The following PAPLN variants were observed in gnomAD, a reference collection of about 807,000 sequenced individuals.
The protein encoded by PAPLN is papilin.
Under a neutral mutation model 159.0 loss-of-function variants are expected in PAPLN, and 146 were observed. The observed-to-expected ratio is 0.92, with a 90% CI of 0.80 to 1.05. The LOEUF (loss-of-function observed/expected upper bound fraction) is 1.05, where lower values mean the gene tolerates loss of function less well. Among genes scored for constraint, PAPLN ranks in the 50% least tolerant of loss-of-function variants. The pLI is 0.00. For missense variants in PAPLN, 1,720 were observed against 1,743.9 expected (o/e 0.99, Z 0.24); for synonymous variants, 734 against 702.9 (o/e 1.04, Z -0.70).
chr14:73,250,350 G>C (rs1885101086), intron 6 of PAPLN, among the ~76,000 whole-genome samples: 1 of 152,210 alleles, frequency 6.6e-6, no homozygotes, highest in Non-Finnish European at 1.5e-5. Context: ...CCTCTGGGTG[G>C]CAGAAATCCG....
At chr14:73,270,485 G>T (rs553376934) in intron 26 of PAPLN, among the ~76,000 whole-genome samples, 1 of 152,326 alleles carries the variant, frequency 6.6e-6, no homozygotes, top group Non-Finnish European at 1.5e-5. Flanking sequence ...TCAGATACAT[G>T]GTGACTAAGT....
chr14:73,262,854 G>C, intron 19 of PAPLN, 27 bp downstream of exon 19: 1 of 1,431,882 alleles, frequency 7.0e-7, no homozygotes, highest in Non-Finnish European at 9.2e-7. Flanking sequence ...CCAGGTGAGG[G>C]GGTTAGGACG....
intron 14 of PAPLN, among the ~76,000 whole-genome samples, chr14:73,258,618 T>TAAAAAAAAAAAAAAAAAAAAAAA (rs57126237): frequency 2.1e-4 from 16 of 75,750 alleles, no homozygotes; most frequent in African/African-American, 6.9e-4. Flanking sequence ...ACCCTATCTC[T>TAAAAAAAAAAAAAAAAAAAAAAA]AAAAAAAAAA....
In PAPLN at chr14:73,239,783, G is replaced by A. The variant is rs1445263483; in HGVS notation, c.5G>A (p.Arg2Gln). The change falls in exon 2 of 27, where the codon CGG becomes CAG. Residue 2 changes from arginine to glutamine, a missense_variant. Transcript: ENST00000644200. M[R>Q]LLLLVPLLLA... is the part of the protein sequence containing the mutation. ...ATGCGTCTCCCGCAGGCTGAGATGC[G>A]GCTGCTCCTGCTCGTGCCGCTGCTG... 1.9e-6 allele frequency: 3 copies of A among 1,593,068 alleles called. No individual in the cohort carries two copies. The highest frequency in any genetic ancestry group is 4.5e-5 in the East Asian group (2 of 44,552).
At position 73,266,938 on chromosome 14, in the gene PAPLN, G is replaced by A. The variant is rs927707678; in HGVS notation, c.3500+107G>A. ...TCACTGTCACCACTGCTTCCATTCC[G>A]GCTTCCAGGCCTGGTGCCAGGGGAG... On this transcript the variant is annotated intron_variant, in intron 25 of 26. Coordinates refer to ENST00000644200, the MANE Select transcript of PAPLN (RefSeq NM_001365906.3). The A allele has an allele frequency of 6.4e-5, 71 of 1,104,034 alleles. No homozygotes were observed. In the Admixed American group the frequency reaches 9.2e-4, roughly 14 times the overall value. The allele number at this position is 1,104,034 out of a possible 1,614,324, so 68.4% of individuals were successfully genotyped here. A position where few individuals can be genotyped will look rare whatever the true frequency, so the allele number is the denominator to read the frequency against.
chr14:73,254,023 G>C (rs1885610031), intron 12 of PAPLN, 62 bp downstream of exon 12: 1 of 1,525,070 alleles, frequency 6.6e-7, no homozygotes, highest in Non-Finnish European at 8.8e-7. Context: ...GAAGGGCTGG[G>C]GTCTTGTTCT....
intron 19 of PAPLN, chr14:73,263,226 GTTC>G (rs1886783483): frequency 3.0e-6 from 1 of 327,974 alleles, no homozygotes; most frequent in Non-Finnish European, 5.6e-6. Flanking sequence ...ACAGGTGTGG[GTTC>G]TGGTCAAGAT....
At position 73,267,327 on chromosome 14, in the gene PAPLN, A is replaced by C. The variant is rs577569440; in HGVS notation, c.3500+496A>C. ...CAATTGGTTTTATATTTGTCCATTC[A>C]TTTAGCAGCCATTTTTTGCCTCCTC... On this transcript the variant is annotated intron_variant, in intron 25 of 26. Transcript: ENST00000644200. Among the ~76,000 whole-genome samples, 9 of 152,266 alleles carry C rather than the reference A, an allele frequency of 5.9e-5. No individual in the cohort carries two copies. In the South Asian group the frequency reaches 1.9e-3, roughly 32 times the overall value.
chr14:73,259,247 G>A (rs751221586), intron 15 of PAPLN, 22 bp from the exon 16 acceptor site: 47 of 1,537,362 alleles, frequency 3.1e-5, no homozygotes, highest in Non-Finnish European at 4.1e-5. Flanking sequence ...CGCACTGTGT[G>A]TCTTTTGCTT....
At chr14:73,250,181 T>C (rs1180154961) in intron 6 of PAPLN, 67 bp downstream of exon 6, 3 of 1,487,856 alleles carry the variant, frequency 2.0e-6, no homozygotes, top group Non-Finnish European at 2.7e-6. Flanking sequence ...TGTTTCCCTG[T>C]CCATCACCCA....
intron 26 of PAPLN, among the ~76,000 whole-genome samples, chr14:73,269,855 C>T (rs978550606): frequency 1.3e-5 from 2 of 152,070 alleles, no homozygotes; most frequent in Non-Finnish European, 2.9e-5. Context: ...CGGTTACACT[C>T]AGAGGGGCAG....
intron 17 of PAPLN, 138 bp downstream of exon 17, chr14:73,260,967 G>A (rs1886513711): frequency 2.1e-6 from 3 of 1,405,128 alleles, no homozygotes; most frequent in East Asian, 5.0e-5. Flanking sequence ...GTCATCCTCT[G>A]GAGGGCACCG....
chr14:73,244,587 G>T (rs1883975962), intron 2 of PAPLN, 57 bp from the exon 3 acceptor site: 19 of 1,410,300 alleles, frequency 1.3e-5, no homozygotes, highest in Non-Finnish European at 1.9e-5. Context: ...CTTTGGAGGG[G>T]CCTCTGGGCT....
chr14:73,251,220 C>G (rs1885216112), intron 7 of PAPLN, among the ~76,000 whole-genome samples, 190 bp downstream of exon 7: 1 of 152,192 alleles, frequency 6.6e-6, no homozygotes, highest in South Asian at 2.1e-4. Context: ...CTCGTGCAGT[C>G]CCATCTCCTG....
rs376339134 is a variant in PAPLN at position 73,252,632 on chromosome 14, G to A, written c.968-17G>A. On this transcript the variant is annotated splice_polypyrimidine_tract_variant and intron_variant, in intron 10 of 26. Coordinates refer to ENST00000644200, the MANE Select transcript of PAPLN (RefSeq NM_001365906.3). Reference sequence around the variant, plus strand: ...TGTTGACTGGCGTCTGCCCGCCATGGCTGGGCCTCTGCGCAGGTCACCAGT... The same window carrying A: ...TGTTGACTGGCGTCTGCCCGCCATGACTGGGCCTCTGCGCAGGTCACCAGT... 248 of 1,610,126 alleles carry A rather than the reference G, an allele frequency of 1.5e-4. No homozygotes were observed. Among genetic ancestry groups the A allele is most frequent in the Non-Finnish European group, 2.0e-4 (236 of 1,178,934 alleles).
At position 73,262,823 on chromosome 14, in the gene PAPLN, T is replaced by C; in HGVS notation, c.2719T>C (p.Tyr907His). The change falls in exon 19 of 27, where the codon TAC becomes CAC. Residue 907 changes from tyrosine to histidine, a missense_variant. Coordinates refer to ENST00000644200, the MANE Select transcript of PAPLN (RefSeq NM_001365906.3). ...SPAPPFHSSS[Y>H]RISLAGVEPS... is the part of the protein sequence containing the mutation. ...AGCGCCACCCTTCCACAGCTCCTCC[T>C]ACAGGTGAGGCCCACCTTCCCCAGG... 6.8e-7 allele frequency: 1 copy of C among 1,475,920 alleles called. No homozygotes were observed. Among genetic ancestry groups the C allele is most frequent in the Non-Finnish European group, 9.0e-7 (1 of 1,116,056 alleles). 91.4% of individuals were successfully genotyped at this position (1,475,920 alleles called of 1,614,324 possible). A position where few individuals can be genotyped will look rare whatever the true frequency, so the allele number is the denominator to read the frequency against.
At position 73,246,089 on chromosome 14, in the gene PAPLN, C is replaced by G. The variant is rs1387081336; in HGVS notation, c.248C>G (p.Ala83Gly). 9 of 1,569,558 alleles carry G rather than the reference C, an allele frequency of 5.7e-6. No homozygotes were observed. Among genetic ancestry groups the G allele is most frequent in the Non-Finnish European group, 7.7e-6 (9 of 1,161,524 alleles). ...GCCCCGCAGAGCTGCCCCGACGGCG[C>G]CCGGGACTTCCGGGCCGAGCAGTGC... ...SCRTESCPDG[A>G]RDFRAEQCAE... The change falls in exon 5 of 27, where the codon GCC becomes GGC. Residue 83 changes from alanine to glycine, a missense_variant. Coordinates refer to ENST00000644200, the MANE Select transcript of PAPLN (RefSeq NM_001365906.3).
chr14:73,250,401 G>A (rs572220820), intron 6 of PAPLN, among the ~76,000 whole-genome samples: 84 of 152,312 alleles, frequency 5.5e-4, no homozygotes, highest in African/African-American at 1.7e-3. Context: ...AGGGACAGCC[G>A]CAGGCGCATG....
chr14:73,253,800 G>A lies in PAPLN; in HGVS notation c.1141G>A (p.Gly381Ser). 1 of 1,610,486 alleles carries A rather than the reference G, an allele frequency of 6.2e-7. No homozygotes were observed. Among genetic ancestry groups the A allele is most frequent in the Non-Finnish European group, 8.5e-7 (1 of 1,177,438 alleles). ...ACCCTGCTCAGCCTCCTGTGGAGGA[G>A]GCTCCCAGTCCCGCTCCGTGTACTG... Reference protein sequence around the residue: ...WAPCSASCGGGSQSRSVYCIS... With the variant: ...WAPCSASCGGSSQSRSVYCIS... The change falls in exon 12 of 27, where the codon GGC becomes AGC. Residue 381 changes from glycine (G) to serine (S), a missense_variant. Gly to Ser is a moderately conservative substitution (Grantham distance 56). Coordinates refer to ENST00000644200, the MANE Select transcript of PAPLN (RefSeq NM_001365906.3).
Sources: allele counts gnomAD v4.1 joint callset (sites outside exome capture counted in the v4.1 genomes callset), GRCh38; gene constraint gnomAD v4.1.1; transcripts MANE v1.5; gene names NCBI Gene and HGNC (gene_info 2026-07-23, HGNC 2026-07-21).